The following VSX2 variants were observed in gnomAD, a reference collection of about 807,000 sequenced individuals.
VSX2 encodes ceh-10 homeo domain containing homolog.
In VSX2, 28 loss-of-function variants were observed where a neutral mutation model predicts 32.1. The ratio of observed to expected loss-of-function variants is 0.87; its 90% CI spans 0.65 to 1.20. VSX2 has a LOEUF of 1.20. Ranked by LOEUF, VSX2 falls within the 50% of genes most tolerant of loss-of-function variation. The pLI is 0.00. For missense variants in VSX2, 506 were observed against 488.7 expected (o/e 1.04, Z -0.33); for synonymous variants, 243 against 214.1 (o/e 1.14, Z -1.18).
In VSX2 at chr14:74,239,692, C is replaced by T; in HGVS notation, c.131C>T (p.Pro44Leu). Residue 44 changes from proline (P) to leucine (L), a missense_variant, in exon 1 of 5, where the codon CCC becomes CTC. Coordinates refer to ENST00000261980, the MANE Select transcript of VSX2 (RefSeq NM_182894.3). The part of the protein sequence containing the change: ...IQEILGLNKE[P>L]PSSHPRAALD... ...GAGATCCTGGGCTTGAACAAGGAGC[C>T]CCCGAGCTCCCACCCGCGGGCAGCG... 1 of 1,549,972 alleles carries T rather than the reference C, an allele frequency of 6.5e-7. No individual in the cohort carries two copies. Among genetic ancestry groups the T allele is most frequent in the Non-Finnish European group, 8.7e-7 (1 of 1,146,850 alleles).
rs1033708386 is a variant in VSX2 at position 74,239,804 on chromosome 14, C to CG, written c.249dup (p.Leu84AlafsTer43). On this transcript the variant is annotated frameshift_variant, in exon 1 of 5. Coordinates refer to ENST00000261980, the MANE Select transcript of VSX2 (RefSeq NM_182894.3). LOFTEE classifies it high-confidence loss of function. Reference sequence around the variant, plus strand: ...TGGGCGGCATGGGGCTTCTGGGGCCCGGGGGGCTCCCTGGCTTCTACACGC... The same window carrying CG: ...TGGGCGGCATGGGGCTTCTGGGGCCCGGGGGGGCTCCCTGGCTTCTACACGC... 3 of 1,569,436 alleles carry CG rather than the reference C, an allele frequency of 1.9e-6. No homozygotes were observed. The highest frequency in any genetic ancestry group is 8.6e-7 in the Non-Finnish European group (1 of 1,158,634).
Position 74,260,829 on chromosome 14 carries a change from G to C in VSX2, c.996G>C (p.Arg332=). The change falls in exon 5 of 5, where the codon CGG becomes CGC. Residue 332 remains arginine (R), a synonymous_variant. Transcript: ENST00000261980. Reference sequence around the variant, plus strand: ...TGTCTGGGCCGGACAGCCTGGCCCGGAGTACCGAGAAGCCAGAGGAGGAGG... The same window carrying C: ...TGTCTGGGCCGGACAGCCTGGCCCGCAGTACCGAGAAGCCAGAGGAGGAGG... ...GTVSGPDSLA[R]STEKPEEEEA... 2.6e-6 allele frequency: 4 copies of C among 1,567,180 alleles called. No homozygotes were observed. The highest frequency in any genetic ancestry group is 3.5e-6 in the Non-Finnish European group (4 of 1,156,102).
In VSX2 at chr14:74,239,920, C is replaced by A. The variant is rs1473142346; in HGVS notation, c.359C>A (p.Thr120Lys). 2.0e-5 allele frequency: 32 copies of A among 1,566,192 alleles called. No individual in the cohort carries two copies. The highest frequency in any genetic ancestry group is 2.5e-5 in the Non-Finnish European group (29 of 1,156,482). Residue 120 changes from threonine to lysine, a missense_variant, in exon 1 of 5, where the codon ACG (threonine) becomes AAG (lysine). Coordinates refer to ENST00000261980, the MANE Select transcript of VSX2 (RefSeq NM_182894.3). ...TCGGGGCCGCTGGACACCAGCCAGA[C>A]GGCCAGCTCGGGTAGGTGAGGAGAG... ...RASGPLDTSQ[T>K]ASSDSEDVSS...
At chr14:74,240,631 T>A (rs1374211436) in intron 1 of VSX2, among the ~76,000 whole-genome samples, 1 of 152,178 alleles carries the variant, frequency 6.6e-6, no homozygotes, top group East Asian at 1.9e-4. Context: ...TTCCCCCGAT[T>A]TTTCGTTGCG....
chr14:74,240,584 C>T (rs111787632), intron 1 of VSX2, among the ~76,000 whole-genome samples: 4 of 152,166 alleles, frequency 2.6e-5, no homozygotes, highest in African/African-American at 9.7e-5. Flanking sequence ...TGTGTCGCGG[C>T]CCGCTCGAAC....
chr14:74,241,112 C>A, intron 1 of VSX2, 70 bp from the exon 2 acceptor site: 2 of 1,526,132 alleles, frequency 1.3e-6, no homozygotes, highest in Non-Finnish European at 1.8e-6. Context: ...CGGGGTGGGG[C>A]CCTCGCGGGT....
intron 2 of VSX2, among the ~76,000 whole-genome samples, chr14:74,242,998 A>G (rs2079161122): frequency 6.6e-6 from 1 of 152,194 alleles, no homozygotes; most frequent in African/African-American, 2.4e-5. Flanking sequence ...CAACTCACCA[A>G]CACTCGGGTA....
chr14:74,260,870 A>G lies in VSX2; in HGVS notation c.1037A>G (p.Asp346Gly). ...KPEEEEAMDE[D>G]RPAERLSPPQ... ...GAGGAGGAGGAGGCCATGGATGAAG[A>G]CAGGCCGGCGGAGAGGCTCAGTCCA... is the stretch of plus-strand genomic sequence containing the variant. Residue 346 changes from aspartate to glycine, a missense_variant, in exon 5 of 5, where the codon GAC becomes GGC. Coordinates refer to ENST00000261980, the MANE Select transcript of VSX2 (RefSeq NM_182894.3). The G allele has an allele frequency of 6.4e-7, 1 of 1,568,474 alleles. No individual in the cohort carries two copies. The highest frequency in any genetic ancestry group is 8.6e-7 in the Non-Finnish European group (1 of 1,157,104).
rs28443485 is a variant in VSX2 at position 74,259,557 on chromosome 14, A to C, written c.580-45A>C. 1.2e-3 allele frequency: 1,864 copies of C among 1,612,896 alleles called. 13 individuals carry two copies. In the African/African-American group the frequency reaches 0.021, roughly 18 times the overall value. ...TACAAGGGGTAAGGGCCTTGGGCCC[A>C]GCACCTCTCAGAGCAAGCCTCTGAC... On this transcript the variant is annotated intron_variant, in intron 3 of 4. Transcript: ENST00000261980.
chr14:74,256,339 G>A (rs62006813), intron 3 of VSX2, among the ~76,000 whole-genome samples: 29,512 of 152,132 alleles, frequency 0.19, 3,341 homozygotes, highest in South Asian at 0.32. Context: ...GCTGAGACAG[G>A]AGAATTGCTT....
intron 3 of VSX2, among the ~76,000 whole-genome samples, chr14:74,258,396 G>A (rs933457004): frequency 6.6e-6 from 1 of 152,184 alleles, no homozygotes; most frequent in Non-Finnish European, 1.5e-5. Context: ...CTGCCGCGGG[G>A]GAGGGGGCCC....
chr14:74,244,298 C>A (rs933062474), intron 2 of VSX2, among the ~76,000 whole-genome samples: 1 of 152,126 alleles, frequency 6.6e-6, no homozygotes, highest in South Asian at 2.1e-4. Context: ...CTCAGGGTGG[C>A]CCGAATGGAA....
chr14:74,245,346 CTCCAGGGT>C, intron 3 of VSX2, 58 bp downstream of exon 3: 2 of 1,608,312 alleles, frequency 1.2e-6, no homozygotes, highest in Non-Finnish European at 1.7e-6. Flanking sequence ...ACATCTACCA[CTCCAGGGT>C]TCCAGATGCC....
chr14:74,260,424 C>T (rs1162660628), intron 4 of VSX2, among the ~76,000 whole-genome samples, 170 bp from the exon 5 acceptor site: 1 of 152,208 alleles, frequency 6.6e-6, no homozygotes, highest in Non-Finnish European at 1.5e-5. Context: ...GGCGACCCAT[C>T]TCCCCATTCC....
chr14:74,243,541 G>T (rs2079165028), intron 2 of VSX2, among the ~76,000 whole-genome samples: 1 of 151,626 alleles, frequency 6.6e-6, no homozygotes, highest in Non-Finnish European at 1.5e-5. Context: ...GACTGCCTTT[G>T]TGCCTCAGTT....
intron 2 of VSX2, 73 bp from the exon 3 acceptor site, chr14:74,245,092 G>C (rs2079183294): frequency 1.2e-6 from 2 of 1,602,630 alleles, no homozygotes; most frequent in African/African-American, 1.3e-5. Context: ...CACAGAGGAA[G>C]GCGGTTCTGT....
chr14:74,251,231 C>A (rs143569101), intron 3 of VSX2, among the ~76,000 whole-genome samples: 31 of 152,196 alleles, frequency 2.0e-4, no homozygotes, highest in Admixed American at 1.6e-3. Context: ...GGGCAGATCA[C>A]CTGAGTTCAG....
At chr14:74,248,334 T>TCAA (rs1555387988) in intron 3 of VSX2, among the ~76,000 whole-genome samples, 1 of 84,748 alleles carries the variant, frequency 1.2e-5, no homozygotes, top group African/African-American at 4.7e-5. Flanking sequence ...GAGACCAGGC[T>TCAA]AAAAAAAAAA....
intron 3 of VSX2, among the ~76,000 whole-genome samples, chr14:74,257,813 G>C (rs552552095): frequency 1.7e-3 from 265 of 152,214 alleles, no homozygotes; most frequent in African/African-American, 5.9e-3. Flanking sequence ...TGTCAAAGGC[G>C]CCCCATATAT....
Sources: allele counts gnomAD v4.1 joint callset (sites outside exome capture counted in the v4.1 genomes callset), GRCh38; gene constraint gnomAD v4.1.1; transcripts MANE v1.5; gene names NCBI Gene and HGNC (gene_info 2026-07-23, HGNC 2026-07-21).